Variants in SPTLC1 observed in about 807,000 individuals in gnomAD.
The protein encoded by SPTLC1 is serine palmitoyltransferase 1.
In SPTLC1, 55 loss-of-function variants were observed where a neutral mutation model predicts 68.9. That is an observed-to-expected ratio of 0.80 (90% CI 0.64 to 1.00). The LOEUF is 1.00. SPTLC1 is among the 50% of genes least tolerant of loss of function. The probability of loss-of-function intolerance (pLI) is 0.00; values close to 1 mark genes in which losing one functional copy is unlikely to be tolerated. For missense variants in SPTLC1, 449 were observed against 573.1 expected (o/e 0.78, Z 2.21); for synonymous variants, 197 against 201.6 (o/e 0.98, Z 0.19).
chr9:92,060,669 G>A (rs544969607), intron 6 of SPTLC1, among the ~76,000 whole-genome samples: 129 of 151,970 alleles, frequency 8.5e-4, no homozygotes, highest in Non-Finnish European at 1.6e-3. Context: ...CACTTTGGGA[G>A]GCCAAGGCGG....
intron 3 of SPTLC1, chr9:92,104,622 T>A: frequency 6.7e-7 from 1 of 1,487,222 alleles, no homozygotes; most frequent in Non-Finnish European, 9.1e-7. Context: ...GATGAGCAGG[T>A]GATCCCAGCC....
At chr9:92,053,087 A>G (rs972777217) in intron 8 of SPTLC1, among the ~76,000 whole-genome samples, 3 of 151,850 alleles carry the variant, frequency 2.0e-5, no homozygotes, top group African/African-American at 7.3e-5. Context: ...ACCTGAATAG[A>G]TATGTCTCCA....
intron 7 of SPTLC1, among the ~76,000 whole-genome samples, chr9:92,056,645 G>C (rs1443973856): frequency 6.6e-6 from 1 of 152,184 alleles, no homozygotes; most frequent in East Asian, 1.9e-4. Flanking sequence ...AAAATACTGA[G>C]ATCCACAGAT....
chr9:92,098,203 C>A (rs574004467), intron 3 of SPTLC1, among the ~76,000 whole-genome samples: 96 of 152,284 alleles, frequency 6.3e-4, no homozygotes, highest in African/African-American at 2.3e-3. Context: ...CCTGACTCAG[C>A]ATTTCCGGGT....
intron 3 of SPTLC1, among the ~76,000 whole-genome samples, chr9:92,094,673 G>A (rs569631463): frequency 6.6e-6 from 1 of 152,202 alleles, no homozygotes. Context: ...TAGTTTTATC[G>A]TCCTTCCAAT....
intron 3 of SPTLC1, 90 bp from the exon 4 acceptor site, chr9:92,081,053 T>G: frequency 1.1e-6 from 1 of 947,430 alleles, no homozygotes; most frequent in South Asian, 1.3e-5. Context: ...CAACATAGTG[T>G]TGTCATCCTA....
Position 92,071,970 on chromosome 9 carries a change from T to C in SPTLC1, c.428-3872A>G, listed in dbSNP as rs1050953064. On this transcript the variant is annotated intron_variant, in intron 5 of 14. Coordinates refer to ENST00000262554, the MANE Select transcript of SPTLC1 (RefSeq NM_006415.4). ...GCAAAATCCAGCCCCTAACTGTAAC[T>C]TTCCATTGCCTACCCCTAACCTATA... Among the ~76,000 whole-genome samples the C allele has an allele frequency of 2.0e-5, 3 of 152,150 alleles. No homozygotes were observed. The East Asian group carries it at 5.8e-4, about 29-fold the overall frequency.
At chr9:92,094,506 A>G (rs1835466067) in intron 3 of SPTLC1, among the ~76,000 whole-genome samples, 2 of 152,298 alleles carry the variant, frequency 1.3e-5, no homozygotes, top group African/African-American at 4.8e-5. Flanking sequence ...TAAGTCACTG[A>G]TACCACAAGT....
intron 3 of SPTLC1, among the ~76,000 whole-genome samples, chr9:92,088,045 C>T (rs1407608754): frequency 3.9e-5 from 6 of 152,214 alleles, no homozygotes; most frequent in Non-Finnish European, 5.9e-5. Context: ...TAGGACCCTC[C>T]GAGCCAGGTG....
chr9:92,100,739 C>CA (rs1835716843), intron 3 of SPTLC1, among the ~76,000 whole-genome samples: 1 of 151,956 alleles, frequency 6.6e-6, no homozygotes. Flanking sequence ...CCTTCTCCCC[C>CA]AGCCCCCAGT....
chr9:92,053,126 CAAACAAA>C (rs1298796744), intron 8 of SPTLC1, among the ~76,000 whole-genome samples: 2 of 144,244 alleles, frequency 1.4e-5, no homozygotes, highest in African/African-American at 5.1e-5. Flanking sequence ...AACAAACAAA[CAAACAAA>C]AAAAAAAACA....
chr9:92,094,041 A>T (rs78835195), intron 3 of SPTLC1, among the ~76,000 whole-genome samples: 7,286 of 152,330 alleles, frequency 0.048, 249 homozygotes, highest in Middle Eastern at 0.065. Flanking sequence ...CATATTAAAA[A>T]TCTAAAAGGT....
intron 8 of SPTLC1, chr9:92,054,004 A>T: frequency 1.0e-6 from 1 of 984,798 alleles, no homozygotes; most frequent in African/African-American, 1.7e-5. Context: ...AGTTTTGGCC[A>T]TGCGTGGTGG....
chr9:92,044,147 C>T (rs979808814), intron 12 of SPTLC1, among the ~76,000 whole-genome samples: 5 of 152,050 alleles, frequency 3.3e-5, no homozygotes, highest in Admixed American at 1.3e-4. Context: ...GGTGGTGATA[C>T]GAAGCTGGGA....
chr9:92,044,594 C>A (rs1205085528), intron 12 of SPTLC1, among the ~76,000 whole-genome samples: 1 of 152,078 alleles, frequency 6.6e-6, no homozygotes, highest in Non-Finnish European at 1.5e-5. Flanking sequence ...CGTCAGGTGA[C>A]AGGCAAGAGG....
rs373654786 is a variant in SPTLC1 at position 92,087,427 on chromosome 9, C to G, written c.261-6464G>C. Among the ~76,000 whole-genome samples, 199 of 151,846 alleles carry G rather than the reference C, an allele frequency of 1.3e-3. 1 individual carries two copies. Among genetic ancestry groups the G allele is most frequent in the African/African-American group, 4.2e-3 (175 of 41,322 alleles). Reference sequence around the variant, plus strand: ...GATGTACAGATGGGTTTTTGGTGTGCATGTCCTTTCTGTTTGTTAGTTTTC... The same window carrying G: ...GATGTACAGATGGGTTTTTGGTGTGGATGTCCTTTCTGTTTGTTAGTTTTC... On this transcript the variant is annotated intron_variant, in intron 3 of 14. Transcript: ENST00000262554.
intron 4 of SPTLC1, among the ~76,000 whole-genome samples, chr9:92,080,336 G>GCCCACA (rs1287998520): frequency 6.6e-6 from 1 of 152,120 alleles, no homozygotes. Context: ...ATGCCTGTTA[G>GCCCACA]CCCACAATCC....
chr9:92,072,041 C>G (rs1219019123), intron 5 of SPTLC1, among the ~76,000 whole-genome samples: 1 of 152,236 alleles, frequency 6.6e-6, no homozygotes, highest in Non-Finnish European at 1.5e-5. Context: ...CCTTTTCATA[C>G]TTAGCTCACT....
intron 3 of SPTLC1, among the ~76,000 whole-genome samples, chr9:92,106,091 C>G (rs1416638763): frequency 6.6e-6 from 1 of 151,832 alleles, no homozygotes; most frequent in Non-Finnish European, 1.5e-5. Flanking sequence ...CCTGCACCGT[C>G]TGGGAAGTGA....
Sources: allele counts gnomAD v4.1 joint callset (sites outside exome capture counted in the v4.1 genomes callset), GRCh38; gene constraint gnomAD v4.1.1; transcripts MANE v1.5; gene names NCBI Gene and HGNC (gene_info 2026-07-23, HGNC 2026-07-21).